Variants in GALNTL6 observed in about 807,000 individuals in gnomAD.
GALNTL6 encodes the protein polypeptide N-acetylgalactosaminyltransferase like 6.
Under a neutral mutation model 73.7 loss-of-function variants are expected in GALNTL6, and 46 were observed. The observed-to-expected ratio is 0.62, with a 90% confidence interval of 0.49 to 0.80. GALNTL6 has a LOEUF of 0.80. Ranked by LOEUF, GALNTL6 falls within the 30% of genes least tolerant of loss-of-function variation. The pLI is 0.00. For missense variants in GALNTL6, 604 were observed against 755.0 expected (o/e 0.80, Z 2.34); for synonymous variants, 259 against 263.7 (o/e 0.98, Z 0.17).
chr4:172,477,885 A>AGAAAAAAAACAG (rs1312259211), intron 5 of GALNTL6, among the ~76,000 whole-genome samples: 3 of 152,196 alleles, frequency 2.0e-5, no homozygotes, highest in Non-Finnish European at 4.4e-5. Context: ...AATATGCAGT[A>AGAAAAAAAACAG]GAAAAAAAAC....
chr4:172,300,863 G>A (rs1424042274), intron 3 of GALNTL6, among the ~76,000 whole-genome samples: 2 of 151,768 alleles, frequency 1.3e-5, no homozygotes, highest in Non-Finnish European at 2.9e-5. Flanking sequence ...TGCTCTTCTC[G>A]AGGAGTATCT....
chr4:172,778,921 C>T (rs1214454504), intron 5 of GALNTL6, among the ~76,000 whole-genome samples: 1 of 151,948 alleles, frequency 6.6e-6, no homozygotes, highest in Non-Finnish European at 1.5e-5. Context: ...TCTTGCACTG[C>T]TTTATTTTTC....
intron 5 of GALNTL6, among the ~76,000 whole-genome samples, chr4:172,503,899 C>A (rs113322060): frequency 0.17 from 1,750 of 10,008 alleles, 670 homozygotes; most frequent in African/African-American, 0.27. Flanking sequence ...CGCCTGTAAT[C>A]CTAGCCCATT....
chr4:172,211,114 C>A (rs79061402), intron 2 of GALNTL6, among the ~76,000 whole-genome samples: 1 of 151,998 alleles, frequency 6.6e-6, no homozygotes, highest in Non-Finnish European at 1.5e-5. Flanking sequence ...CTTATTTATT[C>A]GTTTCTTGAG....
intron 2 of GALNTL6, among the ~76,000 whole-genome samples, chr4:172,015,435 T>G (rs1353603385): frequency 1.3e-5 from 2 of 148,208 alleles, no homozygotes; most frequent in Non-Finnish European, 2.9e-5. Context: ...TTTGTATGAG[T>G]TCTTGTGTGT....
intron 5 of GALNTL6, among the ~76,000 whole-genome samples, chr4:172,769,139 G>A (rs150869246): frequency 4.6e-5 from 7 of 152,106 alleles, no homozygotes; most frequent in East Asian, 3.9e-4. Flanking sequence ...TTGGAAACCC[G>A]CAATTCATCT....
intron 5 of GALNTL6, among the ~76,000 whole-genome samples, chr4:172,753,921 T>C (rs929767879): frequency 6.6e-6 from 1 of 152,162 alleles, no homozygotes; most frequent in Non-Finnish European, 1.5e-5. Flanking sequence ...TCTGCAGTGC[T>C]AATGAGAAGG....
chr4:172,729,297 C>T (rs532520366), intron 5 of GALNTL6, among the ~76,000 whole-genome samples: 19 of 152,148 alleles, frequency 1.2e-4, no homozygotes, highest in South Asian at 1.2e-3. Flanking sequence ...ACAAAAAAAT[C>T]TTTTCTCAAA....
intron 5 of GALNTL6, among the ~76,000 whole-genome samples, chr4:172,401,518 T>C (rs1311476596): frequency 6.6e-6 from 1 of 152,142 alleles, no homozygotes; most frequent in East Asian, 1.9e-4. Context: ...ATAAAAAATT[T>C]CCCAGTCACT....
At chr4:172,245,574 C>T (rs888626095) in intron 3 of GALNTL6, among the ~76,000 whole-genome samples, 4 of 152,112 alleles carry the variant, frequency 2.6e-5, no homozygotes, top group Non-Finnish European at 5.9e-5. Flanking sequence ...TACAGAGAGT[C>T]TCCCATGATT....
intron 5 of GALNTL6, among the ~76,000 whole-genome samples, chr4:172,515,042 G>A (rs919996966): frequency 1.3e-5 from 2 of 152,128 alleles, no homozygotes; most frequent in African/African-American, 4.8e-5. Context: ...GTATTTCTTG[G>A]AGCAAAAGTT....
intron 5 of GALNTL6, among the ~76,000 whole-genome samples, chr4:172,377,758 C>T (rs558613323): frequency 1.3e-5 from 2 of 152,136 alleles, no homozygotes; most frequent in Non-Finnish European, 2.9e-5. Flanking sequence ...CCTGGTGCAC[C>T]CTCCGCAGAC....
chr4:172,425,663 A>G (rs562417617), intron 5 of GALNTL6, among the ~76,000 whole-genome samples: 2 of 152,220 alleles, frequency 1.3e-5, no homozygotes, highest in South Asian at 4.1e-4. Context: ...GTGGAATATT[A>G]TAGAGAAATG....
chr4:172,005,067 G>A (rs796432713), intron 2 of GALNTL6, among the ~76,000 whole-genome samples: 3 of 151,948 alleles, frequency 2.0e-5, no homozygotes, highest in African/African-American at 7.2e-5. Flanking sequence ...TATTTAAGGT[G>A]GAGTTCTTTC....
chr4:172,612,362 A>G (rs1244690952), intron 5 of GALNTL6, among the ~76,000 whole-genome samples: 1 of 152,172 alleles, frequency 6.6e-6, no homozygotes, highest in Non-Finnish European at 1.5e-5. Context: ...TTTATGTCAC[A>G]TACACAAAGA....
At chr4:172,282,661 T>C (rs1025929784) in intron 3 of GALNTL6, among the ~76,000 whole-genome samples, 1 of 95,302 alleles carries the variant, frequency 1.0e-5, no homozygotes, top group African/African-American at 5.9e-5. Flanking sequence ...TGAGTTGAAA[T>C]GGGGCAAAAA....
chr4:172,374,405 T>C (rs1376886934), intron 5 of GALNTL6, among the ~76,000 whole-genome samples: 1 of 152,332 alleles, frequency 6.6e-6, no homozygotes, highest in Admixed American at 6.5e-5. Context: ...TCTCCTGATA[T>C]CTGCAGCTGA....
chr4:172,521,641 A>C (rs1461504070), intron 5 of GALNTL6, among the ~76,000 whole-genome samples: 1 of 152,164 alleles, frequency 6.6e-6, no homozygotes, highest in African/African-American at 2.4e-5. Flanking sequence ...ATATCATGTA[A>C]TTTTAGGGTA....
At chr4:172,459,048 G>T (rs1195952300) in intron 5 of GALNTL6, among the ~76,000 whole-genome samples, 1 of 152,170 alleles carries the variant, frequency 6.6e-6, no homozygotes, top group Non-Finnish European at 1.5e-5. Flanking sequence ...GGGATGCAAG[G>T]CTGGTTCAAC....
Sources: allele counts gnomAD v4.1 joint callset (sites outside exome capture counted in the v4.1 genomes callset), GRCh38; gene constraint gnomAD v4.1.1; transcripts MANE v1.5; gene names NCBI Gene and HGNC (gene_info 2026-07-23, HGNC 2026-07-21).